Variants in SLC1A1 observed in about 807,000 individuals in gnomAD.
SLC1A1 encodes the protein solute carrier family 1 member 1, also known as excitatory amino acid transporter 3.
SLC1A1 carries 43 observed loss-of-function variants against 53.3 expected under a neutral mutation model. The observed-to-expected ratio is 0.81, with a 90% CI of 0.63 to 1.04. The LOEUF is 1.04. Among genes scored for constraint, SLC1A1 ranks in the 50% least tolerant of loss-of-function variants. The pLI is 0.00. For synonymous variants in SLC1A1, 307 were observed against 243.2 expected (o/e 1.26, Z -2.44); for missense variants, 748 against 664.9 (o/e 1.12, Z -1.37).
intron 6 of SLC1A1, among the ~76,000 whole-genome samples, chr9:4,569,469 A>G (rs560397195): frequency 6.6e-6 from 1 of 152,350 alleles, no homozygotes; most frequent in East Asian, 1.9e-4. Flanking sequence ...AATAAAATCA[A>G]CATGCTTTGA....
intron 1 of SLC1A1, among the ~76,000 whole-genome samples, chr9:4,497,578 A>T (rs1820477594): frequency 6.6e-6 from 1 of 152,200 alleles, no homozygotes; most frequent in African/African-American, 2.4e-5. Flanking sequence ...CTAAAGCTTA[A>T]ATCAAACTCT....
intron 1 of SLC1A1, among the ~76,000 whole-genome samples, chr9:4,511,621 A>G (rs1033638377): frequency 1.3e-5 from 2 of 151,542 alleles, no homozygotes; most frequent in African/African-American, 4.9e-5. Context: ...TACAGCTTAT[A>G]TTTAATGCTG....
At position 4,530,961 on chromosome 9, in the gene SLC1A1, C is replaced by G. The variant is rs148335658; in HGVS notation, c.92-13606C>G. Among the ~76,000 whole-genome samples, 75 of 152,278 alleles carry G rather than the reference C, an allele frequency of 4.9e-4. 2 individuals are homozygous for G. In the East Asian group the frequency reaches 0.014, roughly 28 times the overall value. The stretch of plus-strand genomic sequence containing the variant: ...GTCGCTAGGAAAAGTCAGCAACATT[C>G]AGCAAAACTGTCAAGGATTGGAGCA... On this transcript the variant is annotated intron_variant, in intron 1 of 11. Coordinates refer to ENST00000262352, the MANE Select transcript of SLC1A1 (RefSeq NM_004170.6).
intron 2 of SLC1A1, among the ~76,000 whole-genome samples, chr9:4,557,027 C>T (rs1490929594): frequency 6.6e-6 from 1 of 152,100 alleles, no homozygotes; most frequent in East Asian, 1.9e-4. Context: ...CCCTGGGAAC[C>T]AAACTAAACC....
In SLC1A1 at chr9:4,561,560, T is replaced by A. The variant is rs1554685104; in HGVS notation, c.325+19T>A. On this transcript the variant is annotated intron_variant, in intron 3 of 11. Transcript: ENST00000262352. ...ATTCTAGGTAATACTTATTTCTGAA[T>A]CCTTACTACTTTATGTAATGGTGAT... 1.5e-6 allele frequency: 2 copies of A among 1,350,262 alleles called. No individual in the cohort carries two copies. The highest frequency in any genetic ancestry group is 1.2e-5 in the South Asian group (1 of 85,892). 83.6% of individuals were successfully genotyped at this position (1,350,262 alleles called of 1,614,324 possible).
intron 6 of SLC1A1, among the ~76,000 whole-genome samples, chr9:4,570,747 A>G (rs999299522): frequency 3.3e-5 from 5 of 152,052 alleles, no homozygotes; most frequent in Non-Finnish European, 5.9e-5. Flanking sequence ...TACCCAGGAT[A>G]AAGTGAAGAA....
chr9:4,544,450 TCTAAA>T (rs1817285516), intron 1 of SLC1A1, 112 bp from the exon 2 acceptor site: 2 of 877,690 alleles, frequency 2.3e-6, no homozygotes, highest in East Asian at 2.4e-5. Flanking sequence ...TGGGAAATGA[TCTAAA>T]CTATTTTTCT....
At chr9:4,499,076 A>G (rs1404363593) in intron 1 of SLC1A1, among the ~76,000 whole-genome samples, 3 of 141,540 alleles carry the variant, frequency 2.1e-5, no homozygotes, top group Non-Finnish European at 4.5e-5. Context: ...AACAAGTCTC[A>G]CTCTGTCACC....
At chr9:4,523,924 C>G (rs572130037) in intron 1 of SLC1A1, among the ~76,000 whole-genome samples, 2 of 152,324 alleles carry the variant, frequency 1.3e-5, no homozygotes, top group East Asian at 3.9e-4. Context: ...TTTGAACAGT[C>G]TCTTCTTAAA....
intron 1 of SLC1A1, among the ~76,000 whole-genome samples, chr9:4,497,238 A>G (rs374490565): frequency 2.7e-4 from 41 of 152,312 alleles, no homozygotes; most frequent in African/African-American, 9.1e-4. Context: ...GCATATTTTC[A>G]GGAAACAGAG....
At chr9:4,561,427 T>A (rs536618476) in intron 2 of SLC1A1, 22 bp from the exon 3 acceptor site, 4 of 1,429,418 alleles carry the variant, frequency 2.8e-6, no homozygotes, top group African/African-American at 2.8e-5. Flanking sequence ...TTAATGTAAT[T>A]TGATTTCTGT....
rs371266520 is a variant in SLC1A1 at position 4,566,093 on chromosome 9, A to G, written c.483+4A>G. On this transcript the variant is annotated splice_donor_region_variant and intron_variant, in intron 5 of 11. Transcript: ENST00000262352. ...TGTCCAGGCCTGTTTTCAGCAGGTA[A>G]TATTAATTACTTGTGCCCTTAACTT... The G allele has an allele frequency of 6.2e-7, 1 of 1,610,922 alleles. No individual in the cohort carries two copies. The highest frequency in any genetic ancestry group is 8.5e-7 in the Non-Finnish European group (1 of 1,177,184).
In SLC1A1 at chr9:4,503,574, G is replaced by A. The variant is rs142146262; in HGVS notation, c.91+12804G>A. Among the ~76,000 whole-genome samples the A allele has an allele frequency of 7.9e-5, 12 of 151,924 alleles. No individual in the cohort carries two copies. In the East Asian group the frequency reaches 2.1e-3, roughly 27 times the overall value. ...ATTGGAATGGCCTTGAGCAGGTGTGGTAGGATTTCTGGGCTTGAAGACTGG... is the reference window on the plus strand; with the variant it reads ...ATTGGAATGGCCTTGAGCAGGTGTGATAGGATTTCTGGGCTTGAAGACTGG... On this transcript the variant is annotated intron_variant, in intron 1 of 11. Coordinates refer to ENST00000262352, the MANE Select transcript of SLC1A1 (RefSeq NM_004170.6).
At chr9:4,541,349 A>G (rs895378435) in intron 1 of SLC1A1, among the ~76,000 whole-genome samples, 1 of 152,242 alleles carries the variant, frequency 6.6e-6, no homozygotes, top group Non-Finnish European at 1.5e-5. Context: ...AAAGAAGTTT[A>G]GTAGGATTAT....
At chr9:4,546,575 T>C (rs1817512496) in intron 2 of SLC1A1, among the ~76,000 whole-genome samples, 1 of 152,222 alleles carries the variant, frequency 6.6e-6, no homozygotes, top group South Asian at 2.1e-4. Context: ...TGCCCAGTAC[T>C]TTGTCCACTT....
chr9:4,527,728 G>C (rs1187859052), intron 1 of SLC1A1, among the ~76,000 whole-genome samples: 1 of 151,984 alleles, frequency 6.6e-6, no homozygotes, highest in Non-Finnish European at 1.5e-5. Flanking sequence ...CTATTATATG[G>C]AGTTTGAGTT....
intron 1 of SLC1A1, among the ~76,000 whole-genome samples, chr9:4,498,761 T>C (rs1364806442): frequency 6.6e-6 from 1 of 151,186 alleles, no homozygotes; most frequent in Non-Finnish European, 1.5e-5. Context: ...CATAATATTT[T>C]CTAGAAATTT....
intron 2 of SLC1A1, among the ~76,000 whole-genome samples, chr9:4,557,299 G>A (rs527730160): frequency 1.8e-4 from 27 of 152,340 alleles, no homozygotes; most frequent in African/African-American, 5.3e-4. Context: ...AGATTTGCGC[G>A]TAGCATCTTC....
At chr9:4,531,240 A>G (rs1455076368) in intron 1 of SLC1A1, among the ~76,000 whole-genome samples, 3 of 152,228 alleles carry the variant, frequency 2.0e-5, no homozygotes, top group African/African-American at 7.2e-5. Flanking sequence ...ACCGTGCGTG[A>G]GCCGAAGCAG....
Sources: gnomAD v4.1 joint callset for allele counts (sites outside exome capture counted in the v4.1 genomes callset) on GRCh38, gnomAD v4.1.1 for gene constraint, MANE v1.5 for transcripts, NCBI Gene and HGNC (gene_info 2026-07-23, HGNC 2026-07-21) for gene names.